Variants in RYR2 observed in about 807,000 individuals in gnomAD.
RYR2 encodes cardiac muscle ryanodine receptor-calcium release channel.
RYR2 carries 227 observed loss-of-function variants against 601.1 expected under a neutral mutation model. The ratio of observed to expected loss-of-function variants is 0.38; its 90% confidence interval spans 0.34 to 0.42. RYR2 has a LOEUF of 0.42. Among genes scored for constraint, RYR2 ranks in the 10% least tolerant of loss-of-function variants. RYR2 has a pLI of 1.00. For missense variants in RYR2, 4,646 were observed against 6,156.5 expected, an observed-to-expected ratio of 0.75 and a Z score of 8.21; for synonymous variants, 2,223 against 2,175.1, an observed-to-expected ratio of 1.02 and a Z score of -0.61.
intron 1 of RYR2, among the ~76,000 whole-genome samples, chr1:237,115,615 A>C (rs1005358568): frequency 2.6e-5 from 4 of 152,198 alleles, no homozygotes; most frequent in Admixed American, 2.6e-4. Flanking sequence ...CCAAAGACAA[A>C]GGTTCATTTT....
At position 237,590,999 on chromosome 1, in the gene RYR2, A is replaced by G. The variant is rs377465289; in HGVS notation, c.4160+7A>G. On this transcript the variant is annotated splice_region_variant and intron_variant, in intron 31 of 104. Transcript: ENST00000366574. ...CCTCTCGTCTGAAACAAAGGTTACT[A>G]ATTTATACGCTGTGATTTTAAATTT... is the stretch of plus-strand genomic sequence containing the variant. The G allele has an allele frequency of 5.7e-5, 91 of 1,602,862 alleles. No homozygotes were observed. The highest frequency in any genetic ancestry group is 7.0e-5 in the Non-Finnish European group (82 of 1,173,336).
chr1:237,684,341 G>T (rs777146069), intron 62 of RYR2, among the ~76,000 whole-genome samples: 28 of 151,952 alleles, frequency 1.8e-4, no homozygotes, highest in Non-Finnish European at 3.8e-4. Flanking sequence ...AATAAATTTA[G>T]AACTACAGCC....
intron 91 of RYR2, 40 bp downstream of exon 91, chr1:237,786,076 T>C: frequency 8.1e-7 from 1 of 1,235,856 alleles, no homozygotes. Flanking sequence ...CGTTTCAGTT[T>C]GTCATTACAT....
At chr1:237,548,134 C>G (rs189898552) in intron 25 of RYR2, among the ~76,000 whole-genome samples, 1 of 152,230 alleles carries the variant, frequency 6.6e-6, no homozygotes, top group Non-Finnish European at 1.5e-5. Flanking sequence ...ATACAAAAGC[C>G]TCAGCTATTA....
intron 38 of RYR2, among the ~76,000 whole-genome samples, chr1:237,621,891 A>G (rs116655934): frequency 2.2e-3 from 331 of 152,274 alleles, no homozygotes; most frequent in African/African-American, 7.6e-3. Context: ...AGGGGCAGAC[A>G]GAGGGATGTG....
intron 2 of RYR2, among the ~76,000 whole-genome samples, chr1:237,286,680 TAAG>T (rs1425619431): frequency 6.6e-6 from 1 of 151,854 alleles, no homozygotes. Flanking sequence ...CCCTTTACTT[TAAG>T]TTTATGTGAG....
intron 1 of RYR2, among the ~76,000 whole-genome samples, chr1:237,131,695 A>G (rs570773932): frequency 6.6e-6 from 1 of 152,190 alleles, no homozygotes; most frequent in East Asian, 1.9e-4. Flanking sequence ...AGCCTCTAAG[A>G]TGGCCTGTAA....
intron 1 of RYR2, among the ~76,000 whole-genome samples, chr1:237,157,344 A>G (rs991966328): frequency 2.0e-5 from 3 of 151,558 alleles, no homozygotes; most frequent in African/African-American, 7.3e-5. Flanking sequence ...GAAAGAAAAG[A>G]AAAAGAGAAA....
At chr1:237,742,199 A>G in intron 79 of RYR2, 97 bp from the exon 80 acceptor site, 1 of 767,596 alleles carries the variant, frequency 1.3e-6, no homozygotes, top group Admixed American at 2.7e-5. Context: ...TGATAAATTA[A>G]TACAAATGAT....
chr1:237,226,435 G>A (rs1490546683), intron 1 of RYR2, among the ~76,000 whole-genome samples: 1 of 152,128 alleles, frequency 6.6e-6, no homozygotes, highest in African/African-American at 2.4e-5. Flanking sequence ...AGAAGGCATT[G>A]TTGTCTCTGA....
At chr1:237,428,945 C>A (rs1706495882) in intron 12 of RYR2, among the ~76,000 whole-genome samples, 2 of 152,086 alleles carry the variant, frequency 1.3e-5, no homozygotes, top group South Asian at 4.1e-4. Flanking sequence ...ACACACCACA[C>A]ACCTCACACC....
intron 1 of RYR2, among the ~76,000 whole-genome samples, chr1:237,243,948 C>A (rs1346924234): frequency 2.6e-5 from 4 of 152,200 alleles, no homozygotes; most frequent in African/African-American, 9.7e-5. Flanking sequence ...GAGAGCTCCT[C>A]CTTCCTCAGT....
At chr1:237,285,153 G>A (rs1691410390) in intron 2 of RYR2, among the ~76,000 whole-genome samples, 2 of 152,104 alleles carry the variant, frequency 1.3e-5, no homozygotes, top group African/African-American at 4.8e-5. Flanking sequence ...TCAGTATTAT[G>A]TTGGCTGAGG....
chr1:237,474,747 G>T (rs1217294711), intron 17 of RYR2, among the ~76,000 whole-genome samples: 1 of 152,130 alleles, frequency 6.6e-6, no homozygotes, highest in African/African-American at 2.4e-5. Flanking sequence ...CTGGAACAAA[G>T]ATGCAGTAAC....
At chr1:237,678,482 A>C (rs1685592018) in intron 61 of RYR2, among the ~76,000 whole-genome samples, 1 of 152,244 alleles carries the variant, frequency 6.6e-6, no homozygotes, top group Non-Finnish European at 1.5e-5. Context: ...AGTCTGAGTT[A>C]ATTCATAAAT....
At chr1:237,171,567 G>T (rs1677399024) in intron 1 of RYR2, among the ~76,000 whole-genome samples, 1 of 152,148 alleles carries the variant, frequency 6.6e-6, no homozygotes, top group Non-Finnish European at 1.5e-5. Flanking sequence ...AGTGTCTTAG[G>T]TAACCGTTCT....
At chr1:237,222,441 G>A (rs1415101523) in intron 1 of RYR2, among the ~76,000 whole-genome samples, 3 of 150,972 alleles carry the variant, frequency 2.0e-5, no homozygotes, top group African/African-American at 7.3e-5. Context: ...CTTGGGGCCA[G>A]TGGACTTGTT....
intron 14 of RYR2, among the ~76,000 whole-genome samples, chr1:237,447,019 A>G (rs1416208224): frequency 1.3e-5 from 2 of 152,184 alleles, no homozygotes; most frequent in Non-Finnish European, 2.9e-5. Flanking sequence ...GAGCTGATCA[A>G]TCCTATGATA....
chr1:237,343,381 G>T (rs542655385), intron 3 of RYR2, among the ~76,000 whole-genome samples: 9 of 152,280 alleles, frequency 5.9e-5, no homozygotes, highest in South Asian at 2.1e-4. Context: ...AATTGCATTT[G>T]TTCACTCTAT....
Sources: gnomAD v4.1 joint callset for allele counts (sites outside exome capture counted in the v4.1 genomes callset) on GRCh38, gnomAD v4.1.1 for gene constraint, MANE v1.5 for transcripts, NCBI Gene and HGNC (gene_info 2026-07-23, HGNC 2026-07-21) for gene names.